The following GRM8 variants were observed in gnomAD, a reference collection of about 807,000 sequenced individuals.
GRM8 encodes glutamate metabotropic receptor 8, also known as metabotropic glutamate receptor 8.
In GRM8, 47 loss-of-function variants were observed where a neutral mutation model predicts 87.2. That is an observed-to-expected ratio of 0.54 (90% CI 0.43 to 0.69). The LOEUF (loss-of-function observed/expected upper bound fraction) is 0.69. Among genes scored for constraint, GRM8 ranks in the 30% least tolerant of loss-of-function variants. GRM8 has a pLI of 0.00. For missense variants in GRM8, 1,019 were observed against 1,139.2 expected (o/e 0.89, Z 1.52); for synonymous variants, 396 against 404.5 (o/e 0.98, Z 0.25).
intron 8 of GRM8, among the ~76,000 whole-genome samples, chr7:126,535,859 C>T (rs191602434): frequency 7.2e-5 from 11 of 152,206 alleles, no homozygotes; most frequent in East Asian, 3.9e-4. Flanking sequence ...ACTTCCCATG[C>T]GTGTGAAGGA....
chr7:126,476,577 G>A (rs1398726601), intron 9 of GRM8, among the ~76,000 whole-genome samples: 1 of 152,030 alleles, frequency 6.6e-6, no homozygotes, highest in Non-Finnish European at 1.5e-5. Context: ...TTTTAAAATG[G>A]GCAAAGGACC....
intron 7 of GRM8, among the ~76,000 whole-genome samples, chr7:126,735,559 G>A (rs1814113171): frequency 6.6e-6 from 1 of 152,058 alleles, no homozygotes; most frequent in South Asian, 2.1e-4. Context: ...ACATGCCTAA[G>A]AATTTTTCCA....
chr7:127,107,820 T>TCTC, intron 2 of GRM8, among the ~76,000 whole-genome samples: 1 of 152,116 alleles, frequency 6.6e-6, no homozygotes, highest in South Asian at 2.1e-4. Context: ...CCTTCCTAAG[T>TCTC]CTAGAGAGTC....
intron 6 of GRM8, among the ~76,000 whole-genome samples, chr7:126,800,803 T>C (rs1305793229): frequency 6.6e-6 from 1 of 151,034 alleles, no homozygotes. Flanking sequence ...TAAGGAATAA[T>C]ATTAGTCAGA....
intron 3 of GRM8, among the ~76,000 whole-genome samples, chr7:127,003,530 A>T (rs1461627726): frequency 6.6e-6 from 1 of 151,720 alleles, no homozygotes; most frequent in Non-Finnish European, 1.5e-5. Context: ...ATTTTGTGCC[A>T]AGAAATTTTT....
chr7:126,874,684 C>G (rs1799389908), intron 6 of GRM8, among the ~76,000 whole-genome samples: 3 of 152,066 alleles, frequency 2.0e-5, no homozygotes, highest in African/African-American at 7.2e-5. Context: ...GAGTCAGAAT[C>G]CCAAACCATG....
chr7:126,700,295 T>C (rs553870748), intron 7 of GRM8, among the ~76,000 whole-genome samples: 2 of 152,128 alleles, frequency 1.3e-5, no homozygotes, highest in East Asian at 3.9e-4. Context: ...GCAAAATATA[T>C]CAAGAAATCA....
In GRM8 at chr7:126,867,027, C is replaced by A. The variant is rs1263761435; in HGVS notation, c.1156+35515G>T. On this transcript the variant is annotated intron_variant, in intron 6 of 10. Transcript: ENST00000339582. The stretch of plus-strand genomic sequence containing the variant: ...GTATTATGCATAATTGGTATCACAG[C>A]AATATTAGGGGATATGAGACATCAG... Among the ~76,000 whole-genome samples, 3 of 152,158 alleles carry A rather than the reference C, an allele frequency of 2.0e-5. No homozygotes were observed. The East Asian group carries it at 5.8e-4, about 29-fold the overall frequency.
chr7:126,544,582 C>T (rs937135289), intron 8 of GRM8, among the ~76,000 whole-genome samples: 2 of 152,100 alleles, frequency 1.3e-5, no homozygotes, highest in Admixed American at 1.3e-4. Context: ...ACGATCTCAG[C>T]TCACTGCAAC....
intron 2 of GRM8, chr7:127,229,358 G>A (rs1396822307): frequency 1.3e-5 from 2 of 152,162 alleles, no homozygotes; most frequent in Admixed American, 6.5e-5. Flanking sequence ...GACGAAAGCT[G>A]TGGGAAAAAC....
intron 9 of GRM8, among the ~76,000 whole-genome samples, chr7:126,492,124 T>C (rs1808087183): frequency 6.6e-6 from 1 of 152,018 alleles, no homozygotes; most frequent in Non-Finnish European, 1.5e-5. Flanking sequence ...TGGTGCGATC[T>C]CAGCTTACTG....
At chr7:127,151,398 A>G (rs1828853454) in intron 2 of GRM8, among the ~76,000 whole-genome samples, 1 of 152,018 alleles carries the variant, frequency 6.6e-6, no homozygotes, top group African/African-American at 2.4e-5. Flanking sequence ...TCTTCCTCGG[A>G]TTTCTACCAT....
rs921625048 is a variant in GRM8, at chr7:126,704,331, C to A, written c.1357+65534G>T. On this transcript the variant is annotated intron_variant, in intron 7 of 10. Transcript: ENST00000339582. ...TTCCTATGCCTGTCTTTACTTTAAT[C>A]TCTTAATCCCATCATTTTCATAAAT... is the stretch of plus-strand genomic sequence containing the variant. 3.9e-5 allele frequency among the ~76,000 whole-genome samples: 6 copies of A among 152,244 alleles called. No individual in the cohort carries two copies. In the East Asian group the frequency reaches 5.8e-4, roughly 15 times the overall value.
At chr7:126,554,990 T>C (rs1445839365) in intron 8 of GRM8, among the ~76,000 whole-genome samples, 3 of 152,160 alleles carry the variant, frequency 2.0e-5, no homozygotes, top group Non-Finnish European at 4.4e-5. Context: ...CTTTTTAGAA[T>C]GGAAATGATG....
At chr7:127,242,439 C>G (rs1330399076) in intron 2 of GRM8, among the ~76,000 whole-genome samples, 1 of 151,702 alleles carries the variant, frequency 6.6e-6, no homozygotes, top group Non-Finnish European at 1.5e-5. Context: ...CCCAATATAT[C>G]ACAGAACTTT....
chr7:127,179,116 A>C (rs1181644198), intron 2 of GRM8, among the ~76,000 whole-genome samples: 1 of 152,180 alleles, frequency 6.6e-6, no homozygotes, highest in Non-Finnish European at 1.5e-5. Flanking sequence ...CAGGAGACTC[A>C]CCTACCACAT....
At chr7:127,103,125 GA>G (rs1563510794) in intron 3 of GRM8, among the ~76,000 whole-genome samples, 3 of 152,188 alleles carry the variant, frequency 2.0e-5, no homozygotes, top group African/African-American at 7.2e-5. Context: ...TTACAGGCAT[GA>G]GCCATCACAC....
At chr7:126,764,777 G>A (rs1265265672) in intron 7 of GRM8, among the ~76,000 whole-genome samples, 2 of 151,984 alleles carry the variant, frequency 1.3e-5, no homozygotes, top group Non-Finnish European at 2.9e-5. Flanking sequence ...CAATACAAGG[G>A]TTTGCATTAC....
intron 6 of GRM8, among the ~76,000 whole-genome samples, chr7:126,849,138 T>C (rs779699649): frequency 6.6e-6 from 1 of 151,994 alleles, no homozygotes; most frequent in South Asian, 2.1e-4. Context: ...GAATTCAAGA[T>C]GAGATTTGGA....
Sources: allele counts gnomAD v4.1 joint callset (sites outside exome capture counted in the v4.1 genomes callset), GRCh38; gene constraint gnomAD v4.1.1; transcripts MANE v1.5; gene names NCBI Gene and HGNC (gene_info 2026-07-23, HGNC 2026-07-21).